Variants in ZFYVE28 observed in about 807,000 individuals in gnomAD.
ZFYVE28 encodes the protein lateral signaling target protein 2 homolog.
In ZFYVE28, 40 loss-of-function variants were observed where a neutral mutation model predicts 82.1. The observed-to-expected ratio is 0.49, with a 90% confidence interval of 0.38 to 0.63. The LOEUF (loss-of-function observed/expected upper bound fraction) is 0.63, where lower values mean the gene tolerates loss of function less well. Among genes scored for constraint, ZFYVE28 ranks in the 30% least tolerant of loss-of-function variants. The pLI is 0.00. For missense variants in ZFYVE28, 1,321 were observed against 1,242.1 expected, an observed-to-expected ratio of 1.06 and a Z score of -0.96; for synonymous variants, 612 against 546.1, an observed-to-expected ratio of 1.12 and a Z score of -1.68.
intron 1 of ZFYVE28, among the ~76,000 whole-genome samples, chr4:2,356,523 T>G (rs1725355424): frequency 6.6e-6 from 1 of 150,398 alleles, no homozygotes; most frequent in Non-Finnish European, 1.5e-5. Context: ...CTGGCTGCCA[T>G]CTGCTCCCAC....
intron 1 of ZFYVE28, among the ~76,000 whole-genome samples, chr4:2,407,648 T>A (rs1732063992): frequency 6.6e-6 from 1 of 152,128 alleles, no homozygotes; most frequent in African/African-American, 2.4e-5. Flanking sequence ...TGGAGTGTAG[T>A]GGCACGATCT....
chr4:2,273,382 C>A, intron 9 of ZFYVE28, 93 bp from the exon 10 acceptor site: 1 of 1,094,774 alleles, frequency 9.1e-7, no homozygotes, highest in Non-Finnish European at 1.3e-6. Flanking sequence ...CCAGCCAGAG[C>A]TCACAGCCCA....
In ZFYVE28 at chr4:2,270,222, C is replaced by G. The variant is rs191560022; in HGVS notation, c.*503G>C. ...GGGGTGAGGGGTGAGGGCTGGGGAA[C>G]GAGGTGGGCAGCTGATGGGGAGAAT... is the stretch of plus-strand genomic sequence containing the variant. On this transcript the variant is annotated 3_prime_UTR_variant, in exon 13 of 13. Transcript: ENST00000290974. The G allele has an allele frequency of 6.1e-6, 1 of 165,146 alleles. No individual in the cohort carries two copies. Among genetic ancestry groups the G allele is most frequent in the Non-Finnish European group, 1.3e-5 (1 of 75,942 alleles). 10.2% of individuals were successfully genotyped at this position (165,146 alleles called of 1,614,324 possible). A position where few individuals can be genotyped will look rare whatever the true frequency, so the allele number is the denominator to read the frequency against.
intron 5 of ZFYVE28, among the ~76,000 whole-genome samples, chr4:2,336,181 G>A (rs1410376828): frequency 6.6e-6 from 1 of 152,178 alleles, no homozygotes; most frequent in Non-Finnish European, 1.5e-5. Context: ...AATGAACACG[G>A]AACAAAAATA....
intron 8 of ZFYVE28, among the ~76,000 whole-genome samples, chr4:2,284,893 G>A (rs2108806109): frequency 6.6e-6 from 1 of 152,328 alleles, no homozygotes. Flanking sequence ...GTACGGCAAG[G>A]ATTTAGCAGG....
At chr4:2,389,427 G>A (rs2108922880) in intron 1 of ZFYVE28, among the ~76,000 whole-genome samples, 1 of 152,318 alleles carries the variant, frequency 6.6e-6, no homozygotes, top group East Asian at 1.9e-4. Context: ...GGGCCTCAGT[G>A]TCCACCACAT....
intron 8 of ZFYVE28, among the ~76,000 whole-genome samples, chr4:2,275,849 C>T (rs1281349048): frequency 1.3e-5 from 2 of 152,210 alleles, no homozygotes; most frequent in African/African-American, 2.4e-5. Context: ...GGGTCTTAGA[C>T]GCGGTGCTGG....
chr4:2,270,519 C>A lies in ZFYVE28; in HGVS notation c.*206G>T, dbSNP rs548109212. The A allele has an allele frequency of 4.9e-5, 35 of 711,128 alleles. No individual in the cohort carries two copies. The highest frequency in any genetic ancestry group is 6.1e-5 in the Non-Finnish European group (27 of 441,006). 44.1% of individuals were successfully genotyped at this position (711,128 alleles called of 1,614,324 possible). On this transcript the variant is annotated 3_prime_UTR_variant, in exon 13 of 13. Coordinates refer to ENST00000290974, the MANE Select transcript of ZFYVE28 (RefSeq NM_020972.3). Reference sequence around the variant, plus strand: ...CGGGTCCCCTGCTGGGCAAAGCTGACCTCTTGTTGGCCCCTGCAGCCGGCC... The same window carrying A: ...CGGGTCCCCTGCTGGGCAAAGCTGAACTCTTGTTGGCCCCTGCAGCCGGCC...
At chr4:2,298,416 C>T (rs914643089) in intron 8 of ZFYVE28, among the ~76,000 whole-genome samples, 22 of 152,238 alleles carry the variant, frequency 1.4e-4, no homozygotes, top group African/African-American at 5.3e-4. Context: ...TTTCCCCTCA[C>T]ATCTGCGTAT....
In ZFYVE28 at chr4:2,273,267, C is replaced by T. The variant is rs745669273; in HGVS notation, c.2229G>A (p.Thr743=). The change falls in exon 10 of 13, where the codon ACG becomes ACA. Residue 743 remains threonine, a synonymous_variant. Transcript: ENST00000290974. ...CISGVADQLQ[T]NYASDLRSIL... ...TACTTCTCAGGTCACTGGCATAGTT[C>T]GTCTGCAGCTGGTCAGCCACACCTG... The T allele has an allele frequency of 1.1e-5, 17 of 1,612,722 alleles. No individual in the cohort carries two copies. Among genetic ancestry groups the T allele is most frequent in the African/African-American group, 9.3e-5 (7 of 74,912 alleles).
chr4:2,304,818 T>G lies in ZFYVE28; in HGVS notation c.1522A>C (p.Thr508Pro). Residue 508 changes from threonine to proline, a missense_variant, in exon 8 of 13, where the codon ACA becomes CCA. Transcript: ENST00000290974. ...GTGGCTGAGAGCTTCATGCCCCCTG[T>G]CCGGTGGGCGATCATCTCAGCCGTC... ...AETAEMIAHR[T>P]GGMKLSATVI... 6.2e-7 allele frequency: 1 copy of G among 1,612,640 alleles called. No individual in the cohort carries two copies. Among genetic ancestry groups the G allele is most frequent in the Non-Finnish European group, 8.5e-7 (1 of 1,179,926 alleles).
intron 1 of ZFYVE28, among the ~76,000 whole-genome samples, chr4:2,406,997 GCT>G (rs1449335497): frequency 2.0e-5 from 3 of 152,132 alleles, no homozygotes; most frequent in Admixed American, 2.0e-4. Context: ...CTCAGTGCCA[GCT>G]CTGATTGCTG....
At chr4:2,309,449 G>A (rs1440550643) in intron 7 of ZFYVE28, among the ~76,000 whole-genome samples, 1 of 152,126 alleles carries the variant, frequency 6.6e-6, no homozygotes, top group Non-Finnish European at 1.5e-5. Context: ...TTTATTGCTG[G>A]CATACAGAAA....
chr4:2,275,983 C>T (rs1414499422), intron 8 of ZFYVE28, among the ~76,000 whole-genome samples: 2 of 152,210 alleles, frequency 1.3e-5, no homozygotes, highest in African/African-American at 4.8e-5. Context: ...ACAGCCCCGC[C>T]AACGCGCACG....
intron 1 of ZFYVE28, among the ~76,000 whole-genome samples, chr4:2,384,974 C>T (rs975115734): frequency 2.0e-5 from 3 of 152,006 alleles, no homozygotes; most frequent in Non-Finnish European, 4.4e-5. Flanking sequence ...CATAAACACA[C>T]CAATCCTGTA....
At chr4:2,284,474 G>A (rs961045614) in intron 8 of ZFYVE28, among the ~76,000 whole-genome samples, 1 of 152,180 alleles carries the variant, frequency 6.6e-6, no homozygotes, top group South Asian at 2.1e-4. Context: ...GCATTTTGGT[G>A]GAGATTTCAC....
At chr4:2,301,465 C>T (rs142778181) in intron 8 of ZFYVE28, among the ~76,000 whole-genome samples, 1 of 152,268 alleles carries the variant, frequency 6.6e-6, no homozygotes, top group Non-Finnish European at 1.5e-5. Flanking sequence ...AAACGCTTCC[C>T]TGGAAGATGA....
At position 2,327,268 on chromosome 4, in the gene ZFYVE28, ATATATAT is replaced by A. The variant is rs1388869537; in HGVS notation, c.702-7004_702-6998del. Among the ~76,000 whole-genome samples, 96 of 22,376 alleles carry A rather than the reference ATATATAT, an allele frequency of 4.3e-3. 3 individuals are homozygous for A. The highest frequency in any genetic ancestry group is 0.017 in the African/African-American group (91 of 5,512). 14.7% of individuals were successfully genotyped at this position (22,376 alleles called of 152,430 possible). A position where few individuals can be genotyped will look rare whatever the true frequency, so the allele number is the denominator to read the frequency against. ...CCATCTCAAATATATATATATATAT[ATATATAT>A]ATATATATATATATATATATATATA... On this transcript the variant is annotated intron_variant, in intron 6 of 12. Coordinates refer to ENST00000290974, the MANE Select transcript of ZFYVE28 (RefSeq NM_020972.3).
chr4:2,303,919 C>T (rs574424890), intron 8 of ZFYVE28, among the ~76,000 whole-genome samples: 28 of 152,352 alleles, frequency 1.8e-4, no homozygotes, highest in South Asian at 4.1e-4. Flanking sequence ...TGGCACAGCC[C>T]GCTCCCACTG....
Sources: gnomAD v4.1 joint callset for allele counts (sites outside exome capture counted in the v4.1 genomes callset) on GRCh38, gnomAD v4.1.1 for gene constraint, MANE v1.5 for transcripts, NCBI Gene and HGNC (gene_info 2026-07-23, HGNC 2026-07-21) for gene names.